The following HERC1 variants were observed in gnomAD, a reference collection of about 807,000 sequenced individuals.
The protein encoded by HERC1 is HECT and RLD domain containing E3 ubiquitin protein ligase family member 1.
A neutral mutation model predicts 554.3 loss-of-function variants in HERC1; 160 were observed. That is an observed-to-expected ratio of 0.29 (90% CI 0.25 to 0.33). The LOEUF (loss-of-function observed/expected upper bound fraction) is 0.33, where lower values mean the gene tolerates loss of function less well. HERC1 is among the 10% of genes least tolerant of loss of function. HERC1 has a pLI of 1.00. For missense variants in HERC1, 4,919 were observed against 5,918.5 expected (o/e 0.83, Z 5.54); for synonymous variants, 2,175 against 2,131.7 (o/e 1.02, Z -0.56).
intron 27 of HERC1, among the ~76,000 whole-genome samples, chr15:63,695,481 G>A (rs887792685): frequency 2.7e-5 from 4 of 150,036 alleles, no homozygotes; most frequent in African/African-American, 9.8e-5. Flanking sequence ...CACCTCCCGG[G>A]TTCAAGCGAT....
In HERC1 at chr15:63,638,755, C is replaced by T. The variant is rs546945454; in HGVS notation, c.11923G>A (p.Gly3975Ser). The T allele has an allele frequency of 1.2e-5, 19 of 1,613,460 alleles. No homozygotes were observed. Among genetic ancestry groups the T allele is most frequent in the South Asian group, 1.1e-4 (10 of 91,064 alleles). ...CAAGACATAATTTGTTCATCCATGC[C>T]GTTAATCCATTTACTGTTATCCTGA... Reference protein sequence around the residue: ...FLMDNSKWINGMDEQIMSWAT... With the variant: ...FLMDNSKWINSMDEQIMSWAT... The change falls in exon 62 of 78, where the codon GGC becomes AGC. Residue 3975 changes from glycine to serine, a missense_variant. By Grantham distance (56) the Gly-to-Ser change is moderately conservative. Coordinates refer to ENST00000443617, the MANE Select transcript of HERC1 (RefSeq NM_003922.4).
At position 63,746,915 on chromosome 15, in the gene HERC1, T is replaced by C; in HGVS notation, c.2520+3A>G. 1 of 1,551,694 alleles carries C rather than the reference T, an allele frequency of 6.4e-7. No individual in the cohort carries two copies. Among genetic ancestry groups the C allele is most frequent in the Non-Finnish European group, 8.7e-7 (1 of 1,146,844 alleles). On this transcript the variant is annotated splice_donor_region_variant and intron_variant, in intron 12 of 77. Coordinates refer to ENST00000443617, the MANE Select transcript of HERC1 (RefSeq NM_003922.4). ...TACAGATTCACAAGTCCTATTCTCT[T>C]ACCTCTTGGATTTCATCTGGGACAG... is the stretch of plus-strand genomic sequence containing the variant.
At chr15:63,653,321 T>C (rs1000669593) in intron 51 of HERC1, among the ~76,000 whole-genome samples, 23 of 152,016 alleles carry the variant, frequency 1.5e-4, no homozygotes, top group African/African-American at 5.3e-4. Context: ...TGTACATCTG[T>C]AATCCCAGCT....
chr15:63,659,962 A>C (rs1337652076), intron 46 of HERC1, 26 bp from the exon 47 acceptor site: 3 of 1,501,802 alleles, frequency 2.0e-6, no homozygotes, highest in Non-Finnish European at 1.8e-6. Flanking sequence ...ATAAATGTAT[A>C]GTATGTGAAT....
At chr15:63,632,596 T>C (rs2068611180) in intron 68 of HERC1, 113 bp downstream of exon 68, 1 of 727,072 alleles carries the variant, frequency 1.4e-6, no homozygotes, top group South Asian at 1.5e-5. Flanking sequence ...TCATAGTGAC[T>C]ACTCACCACC....
Position 63,690,611 on chromosome 15 carries a change from A to C in HERC1, c.5867T>G (p.Leu1956Arg). The stretch of plus-strand genomic sequence containing the variant: ...CACAGCTTCAAGGACATGAAGTGCA[A>C]GGAGCCTTGTTCTTAAGTTACCAAC... ...PLVGNLRTRL[L>R]ALHVLEAVLP... The change falls in exon 32 of 78, where the codon CTT (leucine) becomes CGT (arginine). Residue 1956 changes from leucine to arginine, a missense_variant. By Grantham distance (102) the Leu-to-Arg change is moderately radical (BLOSUM62 -2). Coordinates refer to ENST00000443617, the MANE Select transcript of HERC1 (RefSeq NM_003922.4). The C allele has an allele frequency of 6.2e-7, 1 of 1,613,050 alleles. No homozygotes were observed. The highest frequency in any genetic ancestry group is 8.5e-7 in the Non-Finnish European group (1 of 1,179,152).
chr15:63,714,708 C>A (rs369629288), intron 22 of HERC1, among the ~76,000 whole-genome samples: 2 of 151,878 alleles, frequency 1.3e-5, no homozygotes, highest in South Asian at 4.2e-4. Flanking sequence ...GCCACCACAC[C>A]GGCTAATTTT....
intron 37 of HERC1, among the ~76,000 whole-genome samples, chr15:63,675,594 G>A (rs2071156220): frequency 6.6e-6 from 1 of 152,130 alleles, no homozygotes; most frequent in South Asian, 2.1e-4. Flanking sequence ...AATAAATCTA[G>A]TTTATAAATG....
chr15:63,710,997 G>A (rs1176758062), intron 24 of HERC1, among the ~76,000 whole-genome samples: 3 of 152,176 alleles, frequency 2.0e-5, no homozygotes, highest in Admixed American at 6.6e-5. Context: ...GTCATTGCAG[G>A]ACTCTGAGCA....
intron 1 of HERC1, among the ~76,000 whole-genome samples, chr15:63,823,170 A>G (rs1400381586): frequency 2.0e-5 from 3 of 152,074 alleles, no homozygotes; most frequent in African/African-American, 2.4e-5. Context: ...CCACTCTCCA[A>G]TAGGCCCCAG....
At chr15:63,640,478 A>G (rs2068987586) in intron 60 of HERC1, 33 bp from the exon 61 acceptor site, 4 of 1,550,620 alleles carry the variant, frequency 2.6e-6, no homozygotes, top group Non-Finnish European at 3.5e-6. Flanking sequence ...AATATGTCAA[A>G]GAGTTTGTGC....
At position 63,659,853 on chromosome 15, in the gene HERC1, A is replaced by T. The variant is rs1454418601; in HGVS notation, c.9307T>A (p.Leu3103Ile). 6.2e-7 allele frequency: 1 copy of T among 1,613,896 alleles called. No individual in the cohort carries two copies. The highest frequency in any genetic ancestry group is 1.3e-5 in the African/African-American group (1 of 75,046). Residue 3103 changes from leucine (L) to isoleucine (I), a missense_variant, in exon 47 of 78, where the codon TTA (leucine) becomes ATA (isoleucine). Leu to Ile is a conservative substitution (Grantham distance 5). This residue lies in a region of HERC1 where 1,963 missense variants were observed against 2,228.6 expected (regional missense o/e 0.88). Coordinates refer to ENST00000443617, the MANE Select transcript of HERC1 (RefSeq NM_003922.4). ...TCTGGTACAATGCGCCGGTCATTTA[A>T]ACCAAGCGGTCCAGCAAGTAATTCA... ...EFELLAGPLG[L>I]NDRRIVPEPV...
At chr15:63,739,216 T>TTA (rs71447350) in intron 12 of HERC1, among the ~76,000 whole-genome samples, 1 of 147,650 alleles carries the variant, frequency 6.8e-6, no homozygotes, top group African/African-American at 2.6e-5. Context: ...TTTTTTTTTT[T>TTA]AGATGGAGAC....
rs767609462 is a variant in HERC1, at chr15:63,628,681, T to G, written c.13101A>C (p.Ala4367=). Residue 4367 remains alanine (A), a synonymous_variant, in exon 70 of 78, where the codon GCA becomes GCC. Coordinates refer to ENST00000443617, the MANE Select transcript of HERC1 (RefSeq NM_003922.4). The part of the protein sequence containing the change: ...AWTAPPVPPR[A]PGVSVPLQLG... The stretch of plus-strand genomic sequence containing the variant: ...CATGAATATTTCATTCCTCACCTGG[T>G]GCTCTTGGTGGGACAGGTGGTGCTG... 1.3e-5 allele frequency: 21 copies of G among 1,608,194 alleles called. No individual in the cohort carries two copies. In the South Asian group the frequency reaches 2.1e-4, roughly 16 times the overall value.
chr15:63,657,288 G>T (rs145173323), intron 48 of HERC1, among the ~76,000 whole-genome samples: 4 of 147,538 alleles, frequency 2.7e-5, no homozygotes, highest in African/African-American at 7.6e-5. Flanking sequence ...TTGAGACAGG[G>T]TCTCACTATG....
chr15:63,625,338 C>T (rs2068256418), intron 71 of HERC1, among the ~76,000 whole-genome samples: 1 of 152,144 alleles, frequency 6.6e-6, no homozygotes, highest in Admixed American at 6.5e-5. Flanking sequence ...GCTTTGTGTG[C>T]TTACATTTTA....
chr15:63,705,367 C>G (rs1375031473), intron 25 of HERC1, among the ~76,000 whole-genome samples: 1 of 151,704 alleles, frequency 6.6e-6, no homozygotes. Flanking sequence ...GTTGCCCAGA[C>G]TAGCCTTCCG....
chr15:63,704,077 C>T (rs941887452), intron 25 of HERC1, among the ~76,000 whole-genome samples: 1 of 151,990 alleles, frequency 6.6e-6, no homozygotes, highest in African/African-American at 2.4e-5. Context: ...GATTTTATGG[C>T]TTAAGGCATC....
chr15:63,633,740 G>T, intron 67 of HERC1, 108 bp downstream of exon 67: 1 of 1,172,612 alleles, frequency 8.5e-7, no homozygotes, highest in South Asian at 1.7e-5. Context: ...ACTTCATTAT[G>T]AACTACCAAA....
Sources: allele counts gnomAD v4.1 joint callset (sites outside exome capture counted in the v4.1 genomes callset), GRCh38; gene constraint gnomAD v4.1.1; regional missense constraint gnomAD v4.1.1; transcripts MANE v1.5; gene names NCBI Gene and HGNC (gene_info 2026-07-23, HGNC 2026-07-21).